ANO3: variants seen among roughly 807,000 people sequenced by gnomAD.
ANO3 encodes anoctamin-3.
ANO3 carries 99 observed loss-of-function variants against 144.8 expected under a neutral mutation model. That is an observed-to-expected ratio of 0.68 (90% CI 0.58 to 0.81). ANO3 has a LOEUF of 0.81. Ranked by LOEUF, ANO3 falls within the 30% of genes least tolerant of loss-of-function variation. ANO3 has a pLI of 0.00. For synonymous variants in ANO3, 414 were observed against 392.6 expected (o/e 1.05, Z -0.64); for missense variants, 905 against 1,202.2 (o/e 0.75, Z 3.66).
chr11:26,554,074 G>C (rs1011452280), intron 13 of ANO3, among the ~76,000 whole-genome samples: 2 of 151,932 alleles, frequency 1.3e-5, no homozygotes, highest in African/African-American at 4.8e-5. Flanking sequence ...TTTTCCTCAC[G>C]CCCTTTCAAT....
intron 1 of ANO3, among the ~76,000 whole-genome samples, chr11:26,223,566 AC>A (rs1852193292): frequency 1.3e-5 from 2 of 150,674 alleles, no homozygotes; most frequent in Non-Finnish European, 2.9e-5. Context: ...ACTCCACAGT[AC>A]CAATTTTCTG....
At chr11:26,549,199 C>G (rs190971978) in intron 12 of ANO3, among the ~76,000 whole-genome samples, 1 of 151,946 alleles carries the variant, frequency 6.6e-6, no homozygotes, top group Non-Finnish European at 1.5e-5. Flanking sequence ...TAATTATTCT[C>G]TAACCTTTGG....
At chr11:26,284,801 G>T (rs1853764386) in intron 1 of ANO3, among the ~76,000 whole-genome samples, 1 of 152,122 alleles carries the variant, frequency 6.6e-6, no homozygotes. Flanking sequence ...AGCTACTCCG[G>T]AGGCTGAGGC....
At chr11:26,330,277 T>A (rs1443546024), upstream of ANO3, among the ~76,000 whole-genome samples, 1 of 151,826 alleles carries the variant, frequency 6.6e-6, no homozygotes, top group African/African-American at 2.4e-5. Flanking sequence ...GAACAAAATT[T>A]AAAAAAAACA....
chr11:26,191,465 C>T (rs1851476869), intron 1 of ANO3, among the ~76,000 whole-genome samples: 1 of 151,962 alleles, frequency 6.6e-6, no homozygotes, highest in African/African-American at 2.4e-5. Flanking sequence ...CTGATCTCAC[C>T]TTCTCCAGAT....
intron 4 of ANO3, among the ~76,000 whole-genome samples, chr11:26,491,525 C>A (rs985570575): frequency 6.6e-6 from 1 of 152,164 alleles, no homozygotes; most frequent in Non-Finnish European, 1.5e-5. Context: ...GCAAGGGAAA[C>A]ATCTCAGCAT....
At chr11:26,472,383 C>T (rs1859814170) in intron 4 of ANO3, among the ~76,000 whole-genome samples, 2 of 151,944 alleles carry the variant, frequency 1.3e-5, no homozygotes, top group Admixed American at 1.3e-4. Context: ...TCTATCATCA[C>T]AACTCTAAAA....
chr11:26,223,948 A>T (rs1852204067), intron 1 of ANO3, among the ~76,000 whole-genome samples: 1 of 152,156 alleles, frequency 6.6e-6, no homozygotes, highest in Non-Finnish European at 1.5e-5. Flanking sequence ...CACTAGGCTT[A>T]CCTCCAACAT....
chr11:26,208,003 A>T (rs561528456), intron 1 of ANO3: 32 of 152,308 alleles, frequency 2.1e-4, no homozygotes, highest in Non-Finnish European at 4.1e-4. Context: ...TCATGGTACT[A>T]AGAGATTCAG....
At chr11:26,224,180 A>C (rs1852208885) in intron 1 of ANO3, among the ~76,000 whole-genome samples, 1 of 152,152 alleles carries the variant, frequency 6.6e-6, no homozygotes, top group Non-Finnish European at 1.5e-5. Flanking sequence ...TCGGTAACCA[A>C]GGATGTGCTC....
At chr11:26,472,962 G>A (rs565971870) in intron 4 of ANO3, among the ~76,000 whole-genome samples, 24 of 151,994 alleles carry the variant, frequency 1.6e-4, no homozygotes, top group African/African-American at 5.3e-4. Flanking sequence ...TTTTGTTTGT[G>A]GTGGTTGACT....
upstream of ANO3, among the ~76,000 whole-genome samples, chr11:26,304,759 T>C (rs936124172): frequency 2.0e-5 from 3 of 152,164 alleles, no homozygotes; most frequent in Non-Finnish European, 4.4e-5. Flanking sequence ...TTACACATAG[T>C]ATGGCAACAA....
At chr11:26,642,474 C>T (rs945209292) in intron 22 of ANO3, among the ~76,000 whole-genome samples, 3 of 109,102 alleles carry the variant, frequency 2.7e-5, no homozygotes, top group African/African-American at 8.8e-5. Flanking sequence ...ACCTCAGCCT[C>T]TCAAGTAGCT....
chr11:26,203,849 T>C (rs1851745235), intron 1 of ANO3, among the ~76,000 whole-genome samples: 1 of 152,208 alleles, frequency 6.6e-6, no homozygotes, highest in South Asian at 2.1e-4. Context: ...TCTCATCTTC[T>C]CTTCTTGGGA....
At chr11:26,494,842 C>T (rs949655542) in intron 4 of ANO3, among the ~76,000 whole-genome samples, 6 of 152,070 alleles carry the variant, frequency 3.9e-5, no homozygotes, top group South Asian at 2.1e-4. Flanking sequence ...TGAAATTGTA[C>T]GCATGATTTG....
intron 1 of ANO3, among the ~76,000 whole-genome samples, chr11:26,435,546 T>C (rs974815926): frequency 7.9e-5 from 12 of 152,216 alleles, no homozygotes; most frequent in African/African-American, 2.9e-4. Flanking sequence ...ATTCATAGAT[T>C]TGGTCTCTTG....
At chr11:26,366,147 C>T (rs1856076014) in intron 1 of ANO3, among the ~76,000 whole-genome samples, 1 of 151,976 alleles carries the variant, frequency 6.6e-6, no homozygotes, top group South Asian at 2.1e-4. Context: ...CTCCCACCTC[C>T]CCTCACCCCA....
At chr11:26,338,646 C>A (rs1855261066) in intron 1 of ANO3, among the ~76,000 whole-genome samples, 1 of 152,192 alleles carries the variant, frequency 6.6e-6, no homozygotes, top group South Asian at 2.1e-4. Context: ...CTGTAGCACT[C>A]ACCGCGAGGG....
At chr11:26,456,101 G>C (rs1859148015) in intron 3 of ANO3, among the ~76,000 whole-genome samples, 2 of 151,896 alleles carry the variant, frequency 1.3e-5, no homozygotes, top group Non-Finnish European at 2.9e-5. Context: ...CTAAACATTA[G>C]ACCTAAAACC....
Sources: allele counts gnomAD v4.1 joint callset (sites outside exome capture counted in the v4.1 genomes callset), GRCh38; gene constraint gnomAD v4.1.1; transcripts MANE v1.5; gene names NCBI Gene and HGNC (gene_info 2026-07-23, HGNC 2026-07-21).